The following LHPP variants were observed in gnomAD, a reference collection of about 807,000 sequenced individuals.
LHPP encodes phospholysine phosphohistidine inorganic pyrophosphate phosphatase.
Under a neutral mutation model 30.3 loss-of-function variants are expected in LHPP, and 24 were observed. That is an observed-to-expected ratio of 0.79 (90% CI 0.57 to 1.11). LHPP has a LOEUF of 1.11. Ranked by LOEUF, LHPP falls within the 50% of genes most tolerant of loss-of-function variation. The pLI is 0.00. For missense variants in LHPP, 356 were observed against 367.2 expected (o/e 0.97, Z 0.25); for synonymous variants, 150 against 157.1 (o/e 0.95, Z 0.34).
chr10:124,541,204 G>A lies in LHPP; in HGVS notation c.716+23933G>A, dbSNP rs1278908802. Reference sequence around the variant, plus strand: ...TGGTGAGTCACCAAGAGGCAGCTTGGAGGTGGGCCGCTGCCCCTGCACACT... The same window carrying A: ...TGGTGAGTCACCAAGAGGCAGCTTGAAGGTGGGCCGCTGCCCCTGCACACT... On this transcript the variant is annotated intron_variant, in intron 6 of 6. Coordinates refer to ENST00000368842, the MANE Select transcript of LHPP (RefSeq NM_022126.4). This position sits in a 1 kb window ranked among gnomAD's most constrained non-coding sequence, Gnocchi z 4.2. Among the ~76,000 whole-genome samples, 3 of 152,186 alleles carry A rather than the reference G, an allele frequency of 2.0e-5. No homozygotes were observed. Among genetic ancestry groups the A allele is most frequent in the African/African-American group, 7.2e-5 (3 of 41,436 alleles).
intron 6 of LHPP, among the ~76,000 whole-genome samples, chr10:124,569,755 G>A (rs968276327): frequency 6.6e-6 from 1 of 152,226 alleles, no homozygotes; most frequent in Non-Finnish European, 1.5e-5. Flanking sequence ...CAGCGGAGCC[G>A]AGATGGGGTT....
intron 5 of LHPP, among the ~76,000 whole-genome samples, chr10:124,512,718 T>A (rs750359477): frequency 1.3e-5 from 2 of 151,916 alleles, no homozygotes; most frequent in Non-Finnish European, 2.9e-5. Flanking sequence ...ACACCTGTTA[T>A]ACCCATTTTA....
chr10:124,484,111 T>TC lies in LHPP; in HGVS notation c.126-25dup, dbSNP rs559770154. On this transcript the variant is annotated intron_variant, in intron 1 of 6. Coordinates refer to ENST00000368842, the MANE Select transcript of LHPP (RefSeq NM_022126.4). ...AGGCCCAACACTCCACGTGCTGACT[T>TC]CCCGGGCCTGTGTCTCCCCTGCCGC... is the stretch of plus-strand genomic sequence containing the variant. 4.2e-3 allele frequency: 6,737 copies of TC among 1,609,050 alleles called. 34 individuals carry two copies. Among genetic ancestry groups the TC allele is most frequent in the Non-Finnish European group, 5.0e-3 (5,907 of 1,177,880 alleles).
In LHPP at chr10:124,543,597, T is replaced by C. The variant is rs147985626; in HGVS notation, c.716+26326T>C. 8.5e-4 allele frequency among the ~76,000 whole-genome samples: 130 copies of C among 152,294 alleles called. 2 individuals are homozygous for C. The East Asian group carries it at 0.022, about 26-fold the overall frequency. On this transcript the variant is annotated intron_variant, in intron 6 of 6. Coordinates refer to ENST00000368842, the MANE Select transcript of LHPP (RefSeq NM_022126.4). ...TAGCCGTGAGGAGTTCAGCTGCCCATGGTGGCGGCGGCTGGGCTGTATCTT... is the reference window on the plus strand; with the variant it reads ...TAGCCGTGAGGAGTTCAGCTGCCCACGGTGGCGGCGGCTGGGCTGTATCTT...
At chr10:124,485,083 A>G (rs1953281544) in intron 2 of LHPP, among the ~76,000 whole-genome samples, 1 of 152,006 alleles carries the variant, frequency 6.6e-6, no homozygotes, top group Non-Finnish European at 1.5e-5. Flanking sequence ...TTTCCTTTCC[A>G]GGGCAAGGTG....
At chr10:124,465,839 A>G (rs1448368999) in intron 1 of LHPP, among the ~76,000 whole-genome samples, 1 of 152,268 alleles carries the variant, frequency 6.6e-6, no homozygotes, top group Non-Finnish European at 1.5e-5. Flanking sequence ...CTGGGATCAC[A>G]GGCGTGAGCC....
At chr10:124,504,327 C>T (rs1953997643) in intron 5 of LHPP, among the ~76,000 whole-genome samples, 1 of 151,428 alleles carries the variant, frequency 6.6e-6, no homozygotes, top group Admixed American at 6.6e-5. Context: ...TGCCATGGCT[C>T]ACGCCTGAAA....
chr10:124,462,114 T>G (rs2133800106), intron 1 of LHPP, 127 bp downstream of exon 1: 1 of 872,690 alleles, frequency 1.1e-6, no homozygotes. Context: ...GTCTCCCCCT[T>G]CCCACCCCGG....
At chr10:124,612,784 C>T (rs1161710377) in intron 6 of LHPP, 3 of 158,156 alleles carry the variant, frequency 1.9e-5, no homozygotes, top group South Asian at 1.9e-4. Context: ...CACTGACATG[C>T]GGGCCCCCAG....
chr10:124,580,851 TG>T (rs1334623110), intron 6 of LHPP, among the ~76,000 whole-genome samples: 1 of 152,076 alleles, frequency 6.6e-6, no homozygotes, highest in Non-Finnish European at 1.5e-5. Flanking sequence ...CCTGAGTAGC[TG>T]GGATTACAGG....
intron 2 of LHPP, 44 bp downstream of exon 2, chr10:124,484,370 C>A: frequency 6.4e-7 from 1 of 1,571,814 alleles, no homozygotes; most frequent in South Asian, 1.1e-5. Context: ...TGAAAGCTCC[C>A]CTTTCCCAGG....
intron 5 of LHPP, 195 bp downstream of exon 5, chr10:124,498,323 T>C: frequency 6.3e-7 from 1 of 1,576,508 alleles, no homozygotes. Context: ...GTTTCAACCG[T>C]GAAGTTACTT....
intron 6 of LHPP, among the ~76,000 whole-genome samples, chr10:124,591,758 A>G (rs1389691154): frequency 1.3e-5 from 2 of 152,010 alleles, no homozygotes; most frequent in Non-Finnish European, 1.5e-5. Flanking sequence ...CTGCATCCCA[A>G]CTTCTGATAC....
At chr10:124,540,369 C>T (rs921059474) in intron 6 of LHPP, among the ~76,000 whole-genome samples, 6 of 152,180 alleles carry the variant, frequency 3.9e-5, no homozygotes, top group South Asian at 2.1e-4. Flanking sequence ...TGGTTTCTCC[C>T]GCTTTGCTTC....
chr10:124,532,331 C>T (rs748604563), intron 6 of LHPP, among the ~76,000 whole-genome samples: 13 of 152,200 alleles, frequency 8.5e-5, no homozygotes, highest in Admixed American at 2.6e-4. Context: ...CAGGCCCTGG[C>T]GGTGGACAGA....
At chr10:124,465,986 C>G (rs538904930) in intron 1 of LHPP, among the ~76,000 whole-genome samples, 1 of 152,324 alleles carries the variant, frequency 6.6e-6, no homozygotes, top group South Asian at 2.1e-4. Flanking sequence ...CCCTGCCACA[C>G]ATTGCTTGCA....
intron 6 of LHPP, among the ~76,000 whole-genome samples, chr10:124,524,203 AC>A (rs1322230846): frequency 6.7e-6 from 1 of 150,252 alleles, no homozygotes. Flanking sequence ...ATTAGCAAAG[AC>A]CCCCCACATT....
chr10:124,589,910 C>G (rs1448953886), intron 6 of LHPP, among the ~76,000 whole-genome samples: 1 of 152,210 alleles, frequency 6.6e-6, no homozygotes, highest in Admixed American at 6.5e-5. Flanking sequence ...GCCAGGCTGG[C>G]AGTTCTTCGG....
chr10:124,535,512 C>G (rs1232998979), intron 6 of LHPP, among the ~76,000 whole-genome samples: 2 of 152,156 alleles, frequency 1.3e-5, no homozygotes, highest in Admixed American at 6.5e-5. Flanking sequence ...TCTCGCATCT[C>G]AGCCTCCCAA....
Sources: allele counts gnomAD v4.1 joint callset (sites outside exome capture counted in the v4.1 genomes callset), GRCh38; gene constraint gnomAD v4.1.1; non-coding constraint Gnocchi (gnomAD v3.1); transcripts MANE v1.5; gene names NCBI Gene and HGNC (gene_info 2026-07-23, HGNC 2026-07-21).